ABCA13: variants seen among roughly 807,000 people sequenced by gnomAD.
ABCA13 encodes ATP-binding cassette sub-family A member 13.
A neutral mutation model predicts 478.7 loss-of-function variants in ABCA13; 476 were observed. The observed-to-expected ratio is 0.99, with a 90% CI of 0.92 to 1.07. The LOEUF (loss-of-function observed/expected upper bound fraction) is 1.07. Ranked by LOEUF, ABCA13 falls within the 50% of genes least tolerant of loss-of-function variation. ABCA13 has a pLI of 0.00. For missense variants in ABCA13, 6,060 were observed against 5,910.6 expected, an observed-to-expected ratio of 1.03 and a Z score of -0.83; for synonymous variants, 2,252 against 2,158.9, an observed-to-expected ratio of 1.04 and a Z score of -1.20.
intron 15 of ABCA13, among the ~76,000 whole-genome samples, chr7:48,251,020 G>A (rs1177772851): frequency 6.6e-6 from 1 of 152,060 alleles, no homozygotes; most frequent in Non-Finnish European, 1.5e-5. Context: ...TACTTTTAGA[G>A]GCTGCCAGAG....
intron 3 of ABCA13, among the ~76,000 whole-genome samples, chr7:48,206,440 G>A (rs534678167): frequency 1.3e-5 from 2 of 152,274 alleles, no homozygotes; most frequent in East Asian, 3.9e-4. Context: ...CTAGGTTTGT[G>A]TAAGCATGTT....
intron 27 of ABCA13, among the ~76,000 whole-genome samples, chr7:48,322,395 C>T (rs995294077): frequency 6.6e-6 from 1 of 152,196 alleles, no homozygotes; most frequent in Non-Finnish European, 1.5e-5. Context: ...GCCATACTTC[C>T]TTGGGATCCA....
chr7:48,641,535 C>T (rs1017680300), intron 59 of ABCA13, among the ~76,000 whole-genome samples: 1 of 152,212 alleles, frequency 6.6e-6, no homozygotes, highest in Admixed American at 6.5e-5. Flanking sequence ...CTAGATGAGG[C>T]AACTGAGGTT....
At chr7:48,531,432 C>G (rs115653060) in intron 55 of ABCA13, among the ~76,000 whole-genome samples, 2,640 of 152,140 alleles carry the variant, frequency 0.017, 83 homozygotes, top group African/African-American at 0.06. Flanking sequence ...TGTGATGCCT[C>G]CAGGTTTGTT....
At chr7:48,416,792 C>T (rs1202296039) in intron 41 of ABCA13, among the ~76,000 whole-genome samples, 1 of 152,046 alleles carries the variant, frequency 6.6e-6, no homozygotes, top group African/African-American at 2.4e-5. Context: ...GCCCCAGACC[C>T]ATGTCCATGC....
chr7:48,462,544 T>C (rs1252015554), intron 43 of ABCA13, among the ~76,000 whole-genome samples: 1 of 151,996 alleles, frequency 6.6e-6, no homozygotes, highest in East Asian at 1.9e-4. Flanking sequence ...GGTCTCACTC[T>C]GTTGACCAGG....
At chr7:48,541,585 A>T (rs1012023728) in intron 55 of ABCA13, among the ~76,000 whole-genome samples, 2 of 152,056 alleles carry the variant, frequency 1.3e-5, no homozygotes, top group African/African-American at 2.4e-5. Context: ...AACATGATGG[A>T]GCTTTGAATC....
rs367996288 is a variant in ABCA13, at chr7:48,191,442, G to A, written c.70-1517G>A. Among the ~76,000 whole-genome samples the A allele has an allele frequency of 1.4e-4, 22 of 152,324 alleles. No individual in the cohort carries two copies. The East Asian group carries it at 4.1e-3, about 28-fold the overall frequency. On this transcript the variant is annotated intron_variant, in intron 1 of 61. Coordinates refer to ENST00000435803, the MANE Select transcript of ABCA13 (RefSeq NM_152701.5). ...ATTTGAGACGGAGTCTCGCTCTGTT[G>A]CCAGGCTGGCGTGCAGTGTGGTGCA... is the stretch of plus-strand genomic sequence containing the variant.
intron 23 of ABCA13, among the ~76,000 whole-genome samples, chr7:48,308,189 A>G (rs914258954): frequency 6.6e-6 from 1 of 152,120 alleles, no homozygotes; most frequent in African/African-American, 2.4e-5. Context: ...CTAGGCCTAC[A>G]TGAGGTCAGG....
chr7:48,305,665 C>T (rs1800797419), intron 23 of ABCA13, among the ~76,000 whole-genome samples: 1 of 152,194 alleles, frequency 6.6e-6, no homozygotes, highest in African/African-American at 2.4e-5. Flanking sequence ...TGGTGCTCTC[C>T]TCTGAATGCG....
intron 3 of ABCA13, among the ~76,000 whole-genome samples, chr7:48,204,803 A>T (rs1784719681): frequency 6.6e-6 from 1 of 152,184 alleles, no homozygotes; most frequent in African/African-American, 2.4e-5. Flanking sequence ...GCTTCTGCAC[A>T]CTGAGGAAAG....
At chr7:48,594,847 A>G in intron 58 of ABCA13, 34 bp downstream of exon 58, 2 of 1,583,624 alleles carry the variant, frequency 1.3e-6, no homozygotes. Context: ...CCATTTCCTG[A>G]TAAGACTGAG....
Position 48,274,860 on chromosome 7 carries a change from T to A in ABCA13, c.5194T>A (p.Ser1732Thr). The A allele has an allele frequency of 6.2e-7, 1 of 1,613,980 alleles. No individual in the cohort carries two copies. Among genetic ancestry groups the A allele is most frequent in the Non-Finnish European group, 8.5e-7 (1 of 1,179,856 alleles). The stretch of plus-strand genomic sequence containing the variant: ...GAATGTTAATCATCTGCTGCAGCTC[T>A]CACGCCTGTTTCCTAAAGATGTTGT... ...SWNVNHLLQL[S>T]RLFPKDVVDA... Residue 1732 changes from serine to threonine, a missense_variant, in exon 17 of 62, where the codon TCA (serine) becomes ACA (threonine). This residue lies in a region of ABCA13 where 4,423 missense variants were observed against 4,309.1 expected (regional missense o/e 1.03). Coordinates refer to ENST00000435803, the MANE Select transcript of ABCA13 (RefSeq NM_152701.5).
rs1300436405 is a variant in ABCA13 at position 48,352,092 on chromosome 7, G to A, written c.10382-89G>A. 2.2e-6 allele frequency: 3 copies of A among 1,345,816 alleles called. No homozygotes were observed. The East Asian group carries it at 7.0e-5, about 31-fold the overall frequency. 83.4% of individuals were successfully genotyped at this position (1,345,816 alleles called of 1,614,324 possible). On this transcript the variant is annotated intron_variant, in intron 30 of 61. Transcript: ENST00000435803. ...GGAGGGCTGTGAGTCTCAGGCTCCT[G>A]CAACTTTTCCTGTCTCACCCAGTGT...
chr7:48,576,131 A>G (rs1788153935), intron 55 of ABCA13, among the ~76,000 whole-genome samples: 1 of 151,158 alleles, frequency 6.6e-6, no homozygotes, highest in Non-Finnish European at 1.5e-5. Context: ...CAAATTCTAC[A>G]GTATTTTATA....
intron 15 of ABCA13, among the ~76,000 whole-genome samples, chr7:48,264,335 C>A (rs2128729669): frequency 6.6e-6 from 1 of 151,932 alleles, no homozygotes; most frequent in South Asian, 2.1e-4. Flanking sequence ...GAGTTGTATG[C>A]TTAGCCTTTT....
chr7:48,232,667 T>G (rs955368614), intron 7 of ABCA13, among the ~76,000 whole-genome samples: 3 of 152,248 alleles, frequency 2.0e-5, no homozygotes, highest in Non-Finnish European at 4.4e-5. Flanking sequence ...AATTCTCTGT[T>G]GTTTAGCAAC....
intron 31 of ABCA13, among the ~76,000 whole-genome samples, chr7:48,361,203 A>G (rs1810781881): frequency 6.6e-6 from 1 of 151,878 alleles, no homozygotes; most frequent in Non-Finnish European, 1.5e-5. Context: ...CCTCTTTAAA[A>G]CTTGGTACTC....
In ABCA13 at chr7:48,645,740, C is replaced by T. The variant is rs1233918310; in HGVS notation, c.*228C>T. On this transcript the variant is annotated 3_prime_UTR_variant, in exon 62 of 62. Coordinates refer to ENST00000435803, the MANE Select transcript of ABCA13 (RefSeq NM_152701.5). ...GGGGAGCTCCTCCAAAACATTTGTT[C>T]TCTTTACCATGCCAGATGGACACCA... 2.1e-6 allele frequency: 1 copy of T among 467,576 alleles called. No homozygotes were observed. The highest frequency in any genetic ancestry group is 3.8e-6 in the Non-Finnish European group (1 of 261,904). The allele number at this position is 467,576 out of a possible 1,614,324, so 29.0% of individuals were successfully genotyped here.
Sources: allele counts gnomAD v4.1 joint callset (sites outside exome capture counted in the v4.1 genomes callset), GRCh38; gene constraint gnomAD v4.1.1; regional missense constraint gnomAD v4.1.1; transcripts MANE v1.5; gene names NCBI Gene and HGNC (gene_info 2026-07-23, HGNC 2026-07-21).